ASAP1: variants seen among roughly 807,000 people sequenced by gnomAD.
ASAP1 encodes the protein ArfGAP with SH3 domain, ankyrin repeat and PH domain 1.
In ASAP1, 43 loss-of-function variants were observed where a neutral mutation model predicts 145.2. The ratio of observed to expected loss-of-function variants is 0.30; its 90% CI spans 0.23 to 0.38. The LOEUF (loss-of-function observed/expected upper bound fraction) is 0.38, where lower values mean the gene tolerates loss of function less well. ASAP1 is among the 10% of genes least tolerant of loss of function. The pLI is 1.00. For synonymous variants in ASAP1, 546 were observed against 515.5 expected (o/e 1.06, Z -0.80); for missense variants, 1,018 against 1,355.3 (o/e 0.75, Z 3.91).
At chr8:130,392,008 G>A (rs1828307649) in intron 2 of ASAP1, among the ~76,000 whole-genome samples, 1 of 152,228 alleles carries the variant, frequency 6.6e-6, no homozygotes, top group Non-Finnish European at 1.5e-5. Flanking sequence ...AGACCTGGGA[G>A]CGCCTAATCT....
At chr8:130,435,784 G>T (rs72726226) in intron 1 of ASAP1, among the ~76,000 whole-genome samples, 5,271 of 152,266 alleles carry the variant, frequency 0.035, 125 homozygotes, top group Middle Eastern at 0.082. Flanking sequence ...TGGCAAGAAA[G>T]CAGGATCTGA....
intron 2 of ASAP1, among the ~76,000 whole-genome samples, chr8:130,392,098 G>A (rs374849615): frequency 6.6e-6 from 1 of 152,214 alleles, no homozygotes; most frequent in Non-Finnish European, 1.5e-5. Context: ...GGGAAAGACT[G>A]TAACTTATAT....
Position 130,160,282 on chromosome 8 carries a change from A to G in ASAP1, c.910-318T>C, listed in dbSNP as rs2097666306. ...TACTGTAAGACTGAATCCAGTTTAC[A>G]CTAGCGGCAGAGGCAAACACAGGAG... On this transcript the variant is annotated intron_variant, in intron 11 of 29. Coordinates refer to ENST00000518721, the MANE Select transcript of ASAP1 (RefSeq NM_018482.4). 2.6e-5 allele frequency among the ~76,000 whole-genome samples: 4 copies of G among 152,326 alleles called. No individual in the cohort carries two copies. In the South Asian group the frequency reaches 8.3e-4, roughly 32 times the overall value.
chr8:130,231,879 T>C (rs897907771), intron 4 of ASAP1, among the ~76,000 whole-genome samples: 6 of 152,348 alleles, frequency 3.9e-5, no homozygotes, highest in Admixed American at 2.0e-4. Flanking sequence ...CACATGCCCA[T>C]GCTTCCAAGG....
chr8:130,420,063 T>C (rs1443057146), intron 1 of ASAP1, among the ~76,000 whole-genome samples: 1 of 151,992 alleles, frequency 6.6e-6, no homozygotes, highest in Non-Finnish European at 1.5e-5. Context: ...AGTGCTGAGA[T>C]TACAGGTGTG....
intron 9 of ASAP1, chr8:130,179,058 A>G (rs559948670): frequency 2.1e-4 from 91 of 439,272 alleles, no homozygotes; most frequent in African/African-American, 1.4e-3. Flanking sequence ...GGAAGACAAT[A>G]TTTTTAAGCC....
rs540119722 is a variant in ASAP1, at chr8:130,423,162, G to A, written c.-28+20298C>T. Among the ~76,000 whole-genome samples, 6 of 152,236 alleles carry A rather than the reference G, an allele frequency of 3.9e-5. 1 individual carries two copies. Among genetic ancestry groups the A allele is most frequent in the African/African-American group, 1.4e-4 (6 of 41,550 alleles). On this transcript the variant is annotated intron_variant, in intron 1 of 29. Transcript: ENST00000518721. ...TCTGTCACCCAGGCTGGAGTGCAGT[G>A]GGTCAATCTCGGCTCACTGCAACCT...
chr8:130,308,407 T>C (rs1014074358), intron 3 of ASAP1, among the ~76,000 whole-genome samples: 1 of 152,274 alleles, frequency 6.6e-6, no homozygotes, highest in Non-Finnish European at 1.5e-5. Context: ...CATTTTTTAT[T>C]CTGTATGTAT....
intron 5 of ASAP1, among the ~76,000 whole-genome samples, chr8:130,191,440 T>C (rs529689895): frequency 2.6e-5 from 4 of 152,322 alleles, no homozygotes; most frequent in South Asian, 4.1e-4. Flanking sequence ...CCATCCATCA[T>C]TAATAAGATA....
chr8:130,393,106 T>G (rs1828362476), intron 2 of ASAP1, among the ~76,000 whole-genome samples: 2 of 152,226 alleles, frequency 1.3e-5, no homozygotes, highest in Admixed American at 1.3e-4. Flanking sequence ...CTAATTTGTT[T>G]TTCATCCTTC....
chr8:130,105,586 G>GATCTAA (rs2097535620), intron 24 of ASAP1, among the ~76,000 whole-genome samples: 1 of 152,180 alleles, frequency 6.6e-6, no homozygotes, highest in East Asian at 1.9e-4. Context: ...CCTCCTAACT[G>GATCTAA]ATCTAATGGT....
At chr8:130,177,500 C>T (rs1814043907) in intron 9 of ASAP1, among the ~76,000 whole-genome samples, 1 of 151,982 alleles carries the variant, frequency 6.6e-6, no homozygotes, top group South Asian at 2.1e-4. Context: ...TAAAAAATTC[C>T]ACCCAATACT....
chr8:130,306,367 C>A (rs1011242409), intron 3 of ASAP1, among the ~76,000 whole-genome samples: 1 of 152,174 alleles, frequency 6.6e-6, no homozygotes, highest in Non-Finnish European at 1.5e-5. Context: ...TTTCCAGTCA[C>A]TTGGATTAAT....
At chr8:130,326,214 T>C (rs1489129389) in intron 3 of ASAP1, among the ~76,000 whole-genome samples, 2 of 152,238 alleles carry the variant, frequency 1.3e-5, no homozygotes, top group East Asian at 1.9e-4. Context: ...ATATCCTTAC[T>C]GCTGGAGACC....
intron 3 of ASAP1, among the ~76,000 whole-genome samples, chr8:130,331,282 G>C (rs1051967698): frequency 1.3e-5 from 2 of 152,140 alleles, no homozygotes; most frequent in African/African-American, 4.8e-5. Flanking sequence ...ATGTCATCTT[G>C]CTCTTAGATC....
chr8:130,128,154 T>TTTC lies in ASAP1; in HGVS notation c.1218-65_1218-64insGAA, dbSNP rs2097577988. On this transcript the variant is annotated intron_variant, in intron 15 of 29. Transcript: ENST00000518721. Reference sequence around the variant, plus strand: ...GAGCATGGTCATTTTTTTTTTTTTTTTTTTTTTTTTGCCACTGCAAAAAAA... The same window carrying TTTC: ...GAGCATGGTCATTTTTTTTTTTTTTTTTCTTTTTTTTTTGCCACTGCAAAAAAA... The TTTC allele has an allele frequency of 1.7e-5, 16 of 947,048 alleles. No individual in the cohort carries two copies. In the African/African-American group the frequency reaches 2.3e-4, roughly 14 times the overall value. The allele number at this position is 947,048 out of a possible 1,614,324, so 58.7% of individuals were successfully genotyped here. A position where few individuals can be genotyped will look rare whatever the true frequency, so the allele number is the denominator to read the frequency against.
At chr8:130,108,593 G>T (rs913864124) in intron 24 of ASAP1, among the ~76,000 whole-genome samples, 1 of 152,044 alleles carries the variant, frequency 6.6e-6, no homozygotes, top group Admixed American at 6.5e-5. Flanking sequence ...GAGGTCAGGA[G>T]TTCGTGACCA....
rs1263411117 is a variant in ASAP1 at position 130,358,836 on chromosome 8, G to A, written c.60-693C>T. On this transcript the variant is annotated intron_variant, in intron 2 of 29. Coordinates refer to ENST00000518721, the MANE Select transcript of ASAP1 (RefSeq NM_018482.4). The surrounding 1 kb of genome is among the most constrained non-coding windows in gnomAD (Gnocchi z 4.1). Reference sequence around the variant, plus strand: ...CCCGGCTGCGCGGCACGGGGGCTCCGGAAGCCCGAGTCCCTGGTTCGCCCC... The same window carrying A: ...CCCGGCTGCGCGGCACGGGGGCTCCAGAAGCCCGAGTCCCTGGTTCGCCCC... Among the ~76,000 whole-genome samples, 1 of 151,452 alleles carries A rather than the reference G, an allele frequency of 6.6e-6. No individual in the cohort carries two copies. Among genetic ancestry groups the A allele is most frequent in the East Asian group, 1.9e-4 (1 of 5,154 alleles).
intron 15 of ASAP1, among the ~76,000 whole-genome samples, chr8:130,132,825 A>T (rs1017889375): frequency 8.1e-6 from 1 of 123,816 alleles, no homozygotes; most frequent in Non-Finnish European, 1.9e-5. Flanking sequence ...CTTCTCTCTC[A>T]GTTTTCTTTC....
Sources: allele counts gnomAD v4.1 joint callset (sites outside exome capture counted in the v4.1 genomes callset), GRCh38; gene constraint gnomAD v4.1.1; non-coding constraint Gnocchi (gnomAD v3.1); transcripts MANE v1.5; gene names NCBI Gene and HGNC (gene_info 2026-07-23, HGNC 2026-07-21).